Variants in NCKAP5 observed in about 807,000 individuals in gnomAD.
NCKAP5 encodes the protein nck-associated protein 5.
NCKAP5 carries 92 observed loss-of-function variants against 167.0 expected under a neutral mutation model. That is an observed-to-expected ratio of 0.55 (90% CI 0.47 to 0.66). The LOEUF is 0.66. Ranked by LOEUF, NCKAP5 falls within the 30% of genes least tolerant of loss-of-function variation. The pLI is 0.00. For synonymous variants in NCKAP5, 891 were observed against 877.4 expected (o/e 1.02, Z -0.27); for missense variants, 2,378 against 2,315.0 (o/e 1.03, Z -0.56).
chr2:133,633,742 G>A, the NCKAP5 span, among the ~76,000 whole-genome samples: 4 of 152,194 alleles, frequency 2.6e-5, no homozygotes, highest in South Asian at 2.1e-4. Context: ...AGGGGCATAG[G>A]GCTGAGGGGG....
intron 5 of NCKAP5, among the ~76,000 whole-genome samples, chr2:133,187,701 T>G (rs1031627617): frequency 6.6e-6 from 1 of 152,126 alleles, no homozygotes; most frequent in African/African-American, 2.4e-5. Flanking sequence ...TATTTAAATT[T>G]AATGCCATTT....
intron 5 of NCKAP5, among the ~76,000 whole-genome samples, chr2:133,186,435 G>T (rs1574309832): frequency 6.6e-6 from 1 of 152,082 alleles, no homozygotes; most frequent in East Asian, 1.9e-4. Flanking sequence ...CTGTGTCTCT[G>T]CAAGGTTTTA....
At chr2:132,983,760 G>T (rs1320746407) in intron 7 of NCKAP5, among the ~76,000 whole-genome samples, 1 of 152,104 alleles carries the variant, frequency 6.6e-6, no homozygotes, top group Non-Finnish European at 1.5e-5. Flanking sequence ...ACCCTTTCAG[G>T]GCCTAGGAGC....
intron 4 of NCKAP5, among the ~76,000 whole-genome samples, chr2:133,291,528 G>A (rs1483319174): frequency 6.6e-6 from 1 of 152,192 alleles, no homozygotes; most frequent in Non-Finnish European, 1.5e-5. Flanking sequence ...TGGTAGCACC[G>A]CACTGGGAGC....
chr2:133,127,734 T>C (rs765119160), intron 6 of NCKAP5, among the ~76,000 whole-genome samples: 12 of 152,168 alleles, frequency 7.9e-5, no homozygotes, highest in Non-Finnish European at 1.6e-4. Flanking sequence ...CAACCAATAT[T>C]ACCAAGCAGT....
chr2:133,544,106 T>G (rs890686069), intron 2 of NCKAP5, among the ~76,000 whole-genome samples: 62 of 152,378 alleles, frequency 4.1e-4, no homozygotes, highest in Non-Finnish European at 1.3e-4. Flanking sequence ...ATTTGTATCT[T>G]GAATTAAAAT....
chr2:133,576,790 T>A, the NCKAP5 span, among the ~76,000 whole-genome samples: 6 of 152,194 alleles, frequency 3.9e-5, no homozygotes, highest in African/African-American at 1.2e-4. Flanking sequence ...ATACAGAGAA[T>A]TCAGTTATTA....
At chr2:133,254,397 C>T (rs552983971) in intron 4 of NCKAP5, among the ~76,000 whole-genome samples, 1 of 152,112 alleles carries the variant, frequency 6.6e-6, no homozygotes, top group South Asian at 2.1e-4. Flanking sequence ...ATGGGAGTGA[C>T]CCATCTCAGA....
intron 6 of NCKAP5, among the ~76,000 whole-genome samples, chr2:133,045,288 G>C (rs1012967975): frequency 1.3e-5 from 2 of 151,980 alleles, no homozygotes; most frequent in Non-Finnish European, 2.9e-5. Context: ...CATACAGTAT[G>C]TTATCAGTTT....
intron 3 of NCKAP5, among the ~76,000 whole-genome samples, chr2:133,371,193 C>A (rs1356141706): frequency 1.3e-5 from 2 of 152,126 alleles, no homozygotes; most frequent in Non-Finnish European, 2.9e-5. Context: ...TGGATTTGCA[C>A]CAACAAATTT....
rs960009749 is a variant in NCKAP5, at chr2:133,441,698, T to C, written c.69+75760A>G. Among the ~76,000 whole-genome samples, 8 of 152,304 alleles carry C rather than the reference T, an allele frequency of 5.3e-5. No individual in the cohort carries two copies. In the East Asian group the frequency reaches 9.6e-4, roughly 18 times the overall value. On this transcript the variant is annotated intron_variant, in intron 3 of 19. Transcript: ENST00000409261. The stretch of plus-strand genomic sequence containing the variant: ...TACTCAGTATTTAAATTCTTTGAAA[T>C]AGACCTCCTCTAGCAACCACCATTC...
chr2:132,878,841 C>T lies in NCKAP5; in HGVS notation c.648+7G>A. 6.2e-7 allele frequency: 1 copy of T among 1,610,604 alleles called. No individual in the cohort carries two copies. The highest frequency in any genetic ancestry group is 8.5e-7 in the Non-Finnish European group (1 of 1,176,854). On this transcript the variant is annotated splice_region_variant and intron_variant, in intron 9 of 19. Transcript: ENST00000409261. The stretch of plus-strand genomic sequence containing the variant: ...CCTTGGATCAGGAGCCTCTCCATCC[C>T]CCTTACCTCATCAAGACATCGCTCA...
chr2:132,919,932 C>T (rs945183320), intron 8 of NCKAP5, among the ~76,000 whole-genome samples: 6 of 152,124 alleles, frequency 3.9e-5, no homozygotes, highest in African/African-American at 1.4e-4. Context: ...CTTGTGTCTA[C>T]CTTAGTTATC....
intron 6 of NCKAP5, among the ~76,000 whole-genome samples, chr2:133,011,529 T>C (rs754618314): frequency 4.6e-5 from 7 of 152,360 alleles, no homozygotes; most frequent in South Asian, 2.1e-4. Context: ...TAGGCTATAA[T>C]AGGGGCTTAA....
chr2:133,118,378 A>T (rs541914760), intron 6 of NCKAP5: 69 of 152,256 alleles, frequency 4.5e-4, no homozygotes, highest in African/African-American at 1.6e-3. Context: ...TTAAAATTCA[A>T]TAGAAATAAT....
chr2:133,085,746 C>A (rs2080967522), intron 6 of NCKAP5, among the ~76,000 whole-genome samples: 1 of 152,092 alleles, frequency 6.6e-6, no homozygotes, highest in African/African-American at 2.4e-5. Context: ...ACTGGCTCAC[C>A]CTTGGAGAAC....
At chr2:133,410,230 C>T (rs529381361) in intron 3 of NCKAP5, among the ~76,000 whole-genome samples, 37 of 152,312 alleles carry the variant, frequency 2.4e-4, no homozygotes, top group African/African-American at 8.2e-4. Context: ...AGACATCACA[C>T]GTAAGATAAT....
At chr2:132,965,131 A>G (rs1005567577) in intron 7 of NCKAP5, among the ~76,000 whole-genome samples, 1 of 152,184 alleles carries the variant, frequency 6.6e-6, no homozygotes, top group Admixed American at 6.5e-5. Context: ...TTCAGGATCT[A>G]ATTTCTCCTG....
intron 8 of NCKAP5, among the ~76,000 whole-genome samples, chr2:132,917,547 G>A (rs539364487): frequency 1.3e-5 from 2 of 152,086 alleles, no homozygotes; most frequent in Non-Finnish European, 2.9e-5. Flanking sequence ...ATTTATAATA[G>A]TTGATTATTA....
Sources: gnomAD v4.1 joint callset for allele counts (sites outside exome capture counted in the v4.1 genomes callset) on GRCh38, gnomAD v4.1.1 for gene constraint, MANE v1.5 for transcripts, NCBI Gene and HGNC (gene_info 2026-07-23, HGNC 2026-07-21) for gene names.